PTPRT: variants seen among roughly 807,000 people sequenced by gnomAD.
The protein encoded by PTPRT is receptor-type tyrosine-protein phosphatase T.
In PTPRT, 56 loss-of-function variants were observed where a neutral mutation model predicts 176.8. The ratio of observed to expected loss-of-function variants is 0.32; its 90% CI spans 0.26 to 0.40. The LOEUF is 0.40. PTPRT is among the 10% of genes least tolerant of loss of function. The pLI is 1.00. For synonymous variants in PTPRT, 783 were observed against 739.0 expected (o/e 1.06, Z -0.96); for missense variants, 1,540 against 1,908.2 (o/e 0.81, Z 3.60).
chr20:42,110,368 G>A lies in PTPRT; in HGVS notation c.3219C>T (p.Asn1073=), dbSNP rs1242881901. 3 of 1,612,846 alleles carry A rather than the reference G, an allele frequency of 1.9e-6. No homozygotes were observed. Among genetic ancestry groups the A allele is most frequent in the East Asian group, 2.2e-5 (1 of 44,874 alleles). The part of the protein sequence containing the change: ...LGFVRQVKFL[N]PPEAGPIVVH... ...CCACTATGGGCCCAGCTTCCGGGGG[G>A]TTGAGGAACTTGACCTGGCGGACGA... is the stretch of plus-strand genomic sequence containing the variant. Residue 1073 remains asparagine (N), a synonymous_variant, in exon 23 of 31, where the codon AAC becomes AAT. Transcript: ENST00000373187.
chr20:42,988,459 G>A (rs909595270), intron 1 of PTPRT, among the ~76,000 whole-genome samples: 1 of 152,148 alleles, frequency 6.6e-6, no homozygotes, highest in Non-Finnish European at 1.5e-5. Flanking sequence ...ATGGGATGGG[G>A]GAGATGTACC....
chr20:42,477,458 T>G (rs1211292598), intron 7 of PTPRT, among the ~76,000 whole-genome samples: 2 of 152,150 alleles, frequency 1.3e-5, no homozygotes, highest in South Asian at 2.1e-4. Flanking sequence ...GGTTTTAGAG[T>G]GTGATGGAAG....
At chr20:42,089,793 A>G (rs1329515632) in intron 27 of PTPRT, among the ~76,000 whole-genome samples, 1 of 152,194 alleles carries the variant, frequency 6.6e-6, no homozygotes, top group African/African-American at 2.4e-5. Flanking sequence ...GGGACACTGC[A>G]TATATTCTAG....
chr20:43,120,537 C>T (rs2013221683), intron 1 of PTPRT, among the ~76,000 whole-genome samples: 1 of 152,232 alleles, frequency 6.6e-6, no homozygotes, highest in African/African-American at 2.4e-5. Context: ...TCCCAAAGTG[C>T]TGGGATTGCA....
chr20:42,819,666 G>C (rs1426819649), intron 2 of PTPRT, among the ~76,000 whole-genome samples: 1 of 151,872 alleles, frequency 6.6e-6, no homozygotes, highest in Non-Finnish European at 1.5e-5. Context: ...CAACTTACAT[G>C]CAAAGACATA....
At chr20:42,916,255 G>A (rs1978748208) in intron 1 of PTPRT, among the ~76,000 whole-genome samples, 2 of 151,902 alleles carry the variant, frequency 1.3e-5, no homozygotes, top group South Asian at 4.2e-4. Context: ...GAGAATGATG[G>A]TTTCCAGTTT....
intron 9 of PTPRT, among the ~76,000 whole-genome samples, chr20:42,415,767 CAA>C (rs1477524532): frequency 3.3e-5 from 5 of 152,118 alleles, no homozygotes. Flanking sequence ...CTATCTTGGA[CAA>C]AGTGTGTACA....
chr20:42,159,214 T>C (rs1469168357), intron 17 of PTPRT, among the ~76,000 whole-genome samples: 1 of 151,896 alleles, frequency 6.6e-6, no homozygotes, highest in Non-Finnish European at 1.5e-5. Flanking sequence ...CTTTTTTTTT[T>C]TTCACCCAAA....
chr20:42,985,094 T>A (rs1983497297), intron 1 of PTPRT, among the ~76,000 whole-genome samples: 2 of 152,148 alleles, frequency 1.3e-5, no homozygotes, highest in South Asian at 4.1e-4. Context: ...AAGAACGGAA[T>A]GGAAGTTGCA....
intron 2 of PTPRT, among the ~76,000 whole-genome samples, chr20:42,878,010 A>T (rs1246362283): frequency 6.6e-6 from 1 of 152,228 alleles, no homozygotes; most frequent in Non-Finnish European, 1.5e-5. Context: ...TGCCATGTGG[A>T]TGATATTCCT....
the PTPRT span, among the ~76,000 whole-genome samples, chr20:42,045,805 C>G: frequency 1.3e-5 from 2 of 151,994 alleles, no homozygotes; most frequent in Non-Finnish European, 2.9e-5. Flanking sequence ...CTTTTTTTCC[C>G]AAAGCAAATG....
intron 2 of PTPRT, among the ~76,000 whole-genome samples, chr20:42,874,895 CTT>C (rs1568651934): frequency 6.6e-6 from 1 of 152,090 alleles, no homozygotes; most frequent in East Asian, 1.9e-4. Context: ...TTCTTTCTTC[CTT>C]TCTTTTTTGA....
At chr20:43,020,125 TATAC>T (rs113305968) in intron 1 of PTPRT, among the ~76,000 whole-genome samples, 8,760 of 143,004 alleles carry the variant, frequency 0.061, 808 homozygotes, top group African/African-American at 0.21. Context: ...TATATATATA[TATAC>T]ATATGCATGT....
At chr20:42,829,174 T>G (rs980534671) in intron 2 of PTPRT, among the ~76,000 whole-genome samples, 2 of 152,106 alleles carry the variant, frequency 1.3e-5, no homozygotes, top group Admixed American at 6.5e-5. Flanking sequence ...AGTAGATTAT[T>G]TTGGAGCTTT....
chr20:42,731,662 C>T (rs17811209), intron 6 of PTPRT, among the ~76,000 whole-genome samples: 186 of 152,288 alleles, frequency 1.2e-3, no homozygotes, highest in Non-Finnish European at 2.2e-3. Flanking sequence ...GCACCCTGTG[C>T]TCTGCTCTTT....
intron 7 of PTPRT, among the ~76,000 whole-genome samples, chr20:42,608,141 C>G (rs893475909): frequency 6.6e-6 from 1 of 152,116 alleles, no homozygotes; most frequent in East Asian, 1.9e-4. Context: ...GGCTCCAAGG[C>G]CCAAACTCTG....
intron 2 of PTPRT, among the ~76,000 whole-genome samples, chr20:42,807,236 T>C (rs2077623909): frequency 1.3e-5 from 2 of 152,214 alleles, no homozygotes; most frequent in Non-Finnish European, 2.9e-5. Context: ...CTTTTGTTAG[T>C]GGCACGGCAT....
At chr20:42,622,245 A>AT (rs368250330) in intron 7 of PTPRT, among the ~76,000 whole-genome samples, 2,083 of 146,662 alleles carry the variant, frequency 0.014, 34 homozygotes, top group African/African-American at 0.034. Flanking sequence ...ATGGACTTAA[A>AT]TTTTTTTTTT....
intron 17 of PTPRT, among the ~76,000 whole-genome samples, chr20:42,155,298 T>C (rs758939968): frequency 2.6e-5 from 4 of 152,226 alleles, no homozygotes; most frequent in Non-Finnish European, 5.9e-5. Flanking sequence ...GAAGTTAATT[T>C]GTCTTGGGCC....
Sources: allele counts gnomAD v4.1 joint callset (sites outside exome capture counted in the v4.1 genomes callset), GRCh38; gene constraint gnomAD v4.1.1; transcripts MANE v1.5; gene names NCBI Gene and HGNC (gene_info 2026-07-23, HGNC 2026-07-21).